FGF14: variants seen among roughly 807,000 people sequenced by gnomAD.
FGF14 encodes the protein fibroblast growth factor 14, also known as fibroblast growth factor homologous factor 4.
A neutral mutation model predicts 25.5 loss-of-function variants in FGF14; 5 were observed. The observed-to-expected ratio is 0.20, with a 90% confidence interval of 0.10 to 0.41. The LOEUF (loss-of-function observed/expected upper bound fraction) is 0.41. Ranked by LOEUF, FGF14 falls within the 10% of genes least tolerant of loss-of-function variation. FGF14 has a pLI of 1.00. For synonymous variants in FGF14, 138 were observed against 118.3 expected (o/e 1.17, Z -1.08); for missense variants, 222 against 320.1 (o/e 0.69, Z 2.34).
At chr13:102,054,951 A>G (rs2042367064) in intron 1 of FGF14, among the ~76,000 whole-genome samples, 1 of 152,226 alleles carries the variant, frequency 6.6e-6, no homozygotes, top group South Asian at 2.1e-4. Context: ...TCTGATTTTC[A>G]TCACCCATCT....
chr13:102,154,792 T>C (rs1416456634), intron 1 of FGF14, among the ~76,000 whole-genome samples: 1 of 151,484 alleles, frequency 6.6e-6, no homozygotes, highest in Non-Finnish European at 1.5e-5. Flanking sequence ...CAGACACGCA[T>C]AGGCTCAAAA....
At chr13:102,175,484 T>C (rs1407012695) in intron 1 of FGF14, among the ~76,000 whole-genome samples, 1 of 152,038 alleles carries the variant, frequency 6.6e-6, no homozygotes, top group Non-Finnish European at 1.5e-5. Flanking sequence ...TAAAAACTCC[T>C]GGAATGAAAC....
At chr13:101,925,813 T>A (rs1004991160) in intron 1 of FGF14, among the ~76,000 whole-genome samples, 7 of 152,190 alleles carry the variant, frequency 4.6e-5, no homozygotes, top group African/African-American at 1.7e-4. Context: ...AGGTAGACAG[T>A]CCCAAATCAA....
chr13:102,296,896 A>G (rs1566912688), intron 1 of FGF14, among the ~76,000 whole-genome samples: 1 of 152,184 alleles, frequency 6.6e-6, no homozygotes, highest in Non-Finnish European at 1.5e-5. Context: ...AATAATTTAC[A>G]TGTTTCCATT....
chr13:102,056,095 G>T (rs147206549), intron 1 of FGF14, among the ~76,000 whole-genome samples: 1,687 of 152,268 alleles, frequency 0.011, 18 homozygotes, highest in Admixed American at 0.018. Flanking sequence ...ATTTGGGTGG[G>T]GACACAGACA....
At chr13:101,960,913 T>C (rs2036813105) in intron 1 of FGF14, among the ~76,000 whole-genome samples, 1 of 152,238 alleles carries the variant, frequency 6.6e-6, no homozygotes. Context: ...TATCTCATTG[T>C]GGTTTTGATT....
intron 1 of FGF14, among the ~76,000 whole-genome samples, chr13:102,069,776 G>A (rs1294616437): frequency 6.6e-6 from 1 of 151,306 alleles, no homozygotes; most frequent in African/African-American, 2.5e-5. Flanking sequence ...CACTCACTGC[G>A]AGGGTCTGCG....
chr13:102,225,583 T>C (rs986037028), intron 1 of FGF14, among the ~76,000 whole-genome samples: 2 of 152,182 alleles, frequency 1.3e-5, no homozygotes, highest in African/African-American at 4.8e-5. Flanking sequence ...TTGTCCTTGA[T>C]TTTGCTCATT....
chr13:101,955,082 C>G (rs75319831), intron 1 of FGF14, among the ~76,000 whole-genome samples: 2,889 of 152,306 alleles, frequency 0.019, 98 homozygotes, highest in African/African-American at 0.066. Context: ...TGTACTGAGG[C>G]CTCTAACTCT....
At chr13:101,782,242 T>C (rs932723205) in intron 3 of FGF14, among the ~76,000 whole-genome samples, 1 of 152,236 alleles carries the variant, frequency 6.6e-6, no homozygotes, top group Admixed American at 6.5e-5. Flanking sequence ...CAAATAATTG[T>C]TATATCCTAT....
intron 3 of FGF14, among the ~76,000 whole-genome samples, chr13:101,828,171 C>T (rs538921608): frequency 2.6e-5 from 4 of 152,078 alleles, no homozygotes; most frequent in South Asian, 2.1e-4. Flanking sequence ...ACAACAGCCA[C>T]GAATAGATGA....
At chr13:101,973,968 G>A (rs892444879) in intron 1 of FGF14, among the ~76,000 whole-genome samples, 10 of 152,148 alleles carry the variant, frequency 6.6e-5, no homozygotes, top group Non-Finnish European at 1.5e-4. Flanking sequence ...AAGGTCTGAT[G>A]TTTGTTTTAC....
chr13:102,337,553 T>C (rs1046445888), intron 1 of FGF14, among the ~76,000 whole-genome samples: 1 of 152,196 alleles, frequency 6.6e-6, no homozygotes, highest in Non-Finnish European at 1.5e-5. Context: ...TAAACTTACT[T>C]GATAAAGCAG....
rs1236793918 is a variant in FGF14, at chr13:101,711,662, C to T, written c.*11169G>A. ...GGTCCAGGACAGTTTCCTTTATTCT[C>T]TCTTCCATTCTCATCTTTGAAGGTA... On this transcript the variant is annotated 3_prime_UTR_variant, in exon 5 of 5. Coordinates refer to ENST00000376143, the MANE Select transcript of FGF14 (RefSeq NM_004115.4). 1 of 152,210 alleles carries T rather than the reference C, an allele frequency of 6.6e-6. No individual in the cohort carries two copies. Among genetic ancestry groups the T allele is most frequent in the Non-Finnish European group, 1.5e-5 (1 of 68,048 alleles). 9.4% of individuals were successfully genotyped at this position (152,210 alleles called of 1,614,324 possible).
intron 1 of FGF14, among the ~76,000 whole-genome samples, chr13:102,243,363 G>C (rs1416834294): frequency 6.6e-6 from 1 of 152,046 alleles, no homozygotes; most frequent in Non-Finnish European, 1.5e-5. Context: ...AACTCCATTT[G>C]AATATGGAAT....
chr13:101,711,200 T>C lies in FGF14; in HGVS notation c.*11631A>G, dbSNP rs2034449971. 6.6e-6 allele frequency: 1 copy of C among 152,252 alleles called. No individual in the cohort carries two copies. Among genetic ancestry groups the C allele is most frequent in the Non-Finnish European group, 1.5e-5 (1 of 68,052 alleles). 9.4% of individuals were successfully genotyped at this position (152,252 alleles called of 1,614,324 possible). The stretch of plus-strand genomic sequence containing the variant: ...ATTTGGCTTCAAGACTACACAATTA[T>C]ATCTTTGCCTTGACTACTTCAAGCT... On this transcript the variant is annotated 3_prime_UTR_variant, in exon 5 of 5. Coordinates refer to ENST00000376143, the MANE Select transcript of FGF14 (RefSeq NM_004115.4).
intron 3 of FGF14, among the ~76,000 whole-genome samples, chr13:101,832,508 T>C (rs1347100972): frequency 6.6e-6 from 1 of 152,062 alleles, no homozygotes; most frequent in Non-Finnish European, 1.5e-5. Flanking sequence ...TGGTCACTTC[T>C]GAAGAAATTG....
Position 101,822,281 on chromosome 13 carries a change from A to T in FGF14, c.408+46444T>A, listed in dbSNP as rs186637258. On this transcript the variant is annotated intron_variant, in intron 3 of 4. Transcript: ENST00000376143. ...GGAAAAGGCCATTCCACACCCACTG[A>T]ATTGCAGTGGAGACTTTACCATAAT... is the stretch of plus-strand genomic sequence containing the variant. Among the ~76,000 whole-genome samples, 20 of 152,236 alleles carry T rather than the reference A, an allele frequency of 1.3e-4. No homozygotes were observed. In the East Asian group the frequency reaches 3.9e-3, roughly 29 times the overall value.
At chr13:101,931,319 CCAAGTCTTCACTCAT>C (rs2034735562) in intron 1 of FGF14, among the ~76,000 whole-genome samples, 1 of 152,172 alleles carries the variant, frequency 6.6e-6, no homozygotes, top group African/African-American at 2.4e-5. Flanking sequence ...TGTCTCAGTT[CCAAGTCTTCACTCAT>C]TTCACTGTCT....
Sources: gnomAD v4.1 joint callset for allele counts (sites outside exome capture counted in the v4.1 genomes callset) on GRCh38, gnomAD v4.1.1 for gene constraint, MANE v1.5 for transcripts, NCBI Gene and HGNC (gene_info 2026-07-23, HGNC 2026-07-21) for gene names.